Variants in CREB5 observed in about 807,000 individuals in gnomAD.
CREB5 encodes the protein cyclic AMP-responsive element-binding protein 5.
A neutral mutation model predicts 57.1 loss-of-function variants in CREB5; 19 were observed. That is an observed-to-expected ratio of 0.33 (90% CI 0.23 to 0.49). CREB5 has a LOEUF of 0.49. Ranked by LOEUF, CREB5 falls within the 20% of genes least tolerant of loss-of-function variation. The probability of loss-of-function intolerance (pLI) is 0.99; values close to 1 mark genes in which losing one functional copy is unlikely to be tolerated. For synonymous variants in CREB5, 238 were observed against 238.3 expected (o/e 1.00, Z 0.01); for missense variants, 579 against 671.6 (o/e 0.86, Z 1.52).
At chr7:28,818,012 G>A in intron 9 of CREB5, 59 bp from the exon 10 acceptor site, 1 of 1,312,868 alleles carries the variant, frequency 7.6e-7, no homozygotes, top group Non-Finnish European at 1.1e-6. Flanking sequence ...AAGTGCACAG[G>A]GCTGTGGGTT....
chr7:28,816,974 A>G (rs1464375409), intron 9 of CREB5, among the ~76,000 whole-genome samples: 2 of 152,164 alleles, frequency 1.3e-5, no homozygotes, highest in African/African-American at 2.4e-5. Flanking sequence ...CGGAGCTACC[A>G]TCTATTTTAT....
chr7:28,407,314 G>A (rs778136853), intron 1 of CREB5, among the ~76,000 whole-genome samples: 2 of 152,170 alleles, frequency 1.3e-5, no homozygotes, highest in Non-Finnish European at 1.5e-5. Flanking sequence ...GCCTCCCAAA[G>A]TGCTGGGATT....
intron 5 of CREB5, among the ~76,000 whole-genome samples, chr7:28,611,205 C>G (rs546977871): frequency 7.9e-5 from 12 of 152,040 alleles, no homozygotes; most frequent in Non-Finnish European, 1.5e-4. Context: ...CTGATATGTC[C>G]TCAATCTTCT....
At chr7:28,536,533 C>T (rs751362622) in intron 4 of CREB5, among the ~76,000 whole-genome samples, 20 of 152,190 alleles carry the variant, frequency 1.3e-4, no homozygotes, top group South Asian at 2.1e-4. Flanking sequence ...GGCAGCTTCA[C>T]GAGGCAGCAC....
chr7:28,743,838 CTTTTTTTTTT>C, intron 7 of CREB5, among the ~76,000 whole-genome samples: 1 of 76,018 alleles, frequency 1.3e-5, no homozygotes, highest in South Asian at 5.5e-4. Context: ...ATCTCCTTTT[CTTTTTTTTTT>C]TTTTTTTTTT....
chr7:28,551,963 T>A (rs1794676052), intron 4 of CREB5, among the ~76,000 whole-genome samples: 1 of 148,176 alleles, frequency 6.7e-6, no homozygotes, highest in African/African-American at 2.5e-5. Flanking sequence ...CTTTCTCTTT[T>A]TTATTCTCTC....
At chr7:28,529,131 C>A (rs1191508401) in intron 4 of CREB5, among the ~76,000 whole-genome samples, 1 of 152,236 alleles carries the variant, frequency 6.6e-6, no homozygotes, top group Non-Finnish European at 1.5e-5. Flanking sequence ...TGGAGCACAA[C>A]TGGTGTCTGT....
intron 1 of CREB5, among the ~76,000 whole-genome samples, chr7:28,385,009 A>T (rs1469848446): frequency 6.6e-6 from 1 of 152,212 alleles, no homozygotes; most frequent in Non-Finnish European, 1.5e-5. Flanking sequence ...TTTAAAAAAA[A>T]ATCCAAGTAT....
intron 5 of CREB5, among the ~76,000 whole-genome samples, chr7:28,673,389 G>A (rs914843137): frequency 3.9e-5 from 6 of 152,144 alleles, no homozygotes; most frequent in African/African-American, 9.7e-5. Flanking sequence ...CTTAGAACCC[G>A]CTGGGCAGCC....
At chr7:28,336,238 C>A (rs1439807425) in intron 1 of CREB5, among the ~76,000 whole-genome samples, 1 of 152,010 alleles carries the variant, frequency 6.6e-6, no homozygotes, top group African/African-American at 2.4e-5. Flanking sequence ...TTCTCTCCTC[C>A]TCTATTTTTC....
At chr7:28,641,342 A>T (rs1411061308) in intron 5 of CREB5, among the ~76,000 whole-genome samples, 2 of 152,104 alleles carry the variant, frequency 1.3e-5, no homozygotes, top group Non-Finnish European at 2.9e-5. Context: ...TGGGGCTAAA[A>T]TTTCAAAGGG....
At chr7:28,478,264 G>T (rs1325064806) in intron 1 of CREB5, among the ~76,000 whole-genome samples, 1 of 151,996 alleles carries the variant, frequency 6.6e-6, no homozygotes, top group African/African-American at 2.4e-5. Flanking sequence ...TCCTCCTCAT[G>T]GTACAATACG....
chr7:28,629,497 C>A (rs915378931), intron 5 of CREB5, among the ~76,000 whole-genome samples: 1 of 152,180 alleles, frequency 6.6e-6, no homozygotes, highest in African/African-American at 2.4e-5. Flanking sequence ...GTTGAGCAGG[C>A]AGGCTGGCAA....
At chr7:28,759,016 G>A (rs972720669) in intron 7 of CREB5, among the ~76,000 whole-genome samples, 1 of 151,358 alleles carries the variant, frequency 6.6e-6, no homozygotes, top group African/African-American at 2.4e-5. Flanking sequence ...TTGTATGGGG[G>A]TGATTAACTC....
chr7:28,769,236 T>A (rs1008542318), intron 7 of CREB5, among the ~76,000 whole-genome samples: 3 of 152,238 alleles, frequency 2.0e-5, no homozygotes, highest in Non-Finnish European at 4.4e-5. Context: ...CTTATGAACC[T>A]CTAGTGCTTG....
intron 1 of CREB5, among the ~76,000 whole-genome samples, chr7:28,392,301 T>G (rs1007297482): frequency 7.9e-5 from 12 of 152,112 alleles, no homozygotes; most frequent in African/African-American, 2.7e-4. Context: ...AAAGAAAAAT[T>G]TCTTTAAAAA....
intron 1 of CREB5, among the ~76,000 whole-genome samples, chr7:28,325,450 A>C (rs1352135926): frequency 8.2e-6 from 1 of 121,384 alleles, no homozygotes; most frequent in Non-Finnish European, 1.8e-5. Context: ...GCAAGACTCC[A>C]TCTCAAAAAA....
chr7:28,352,599 C>T (rs530596160), intron 1 of CREB5, among the ~76,000 whole-genome samples: 1 of 152,236 alleles, frequency 6.6e-6, no homozygotes, highest in East Asian at 1.9e-4. Flanking sequence ...GGGCTGGCTC[C>T]CTTCAAAGTC....
chr7:28,503,623 T>G (rs1461095759), intron 3 of CREB5, among the ~76,000 whole-genome samples: 1 of 152,136 alleles, frequency 6.6e-6, no homozygotes, highest in East Asian at 1.9e-4. Context: ...GATGAGGTCA[T>G]GAGATGGTCC....
Sources: gnomAD v4.1 joint callset for allele counts (sites outside exome capture counted in the v4.1 genomes callset) on GRCh38, gnomAD v4.1.1 for gene constraint, MANE v1.5 for transcripts, NCBI Gene and HGNC (gene_info 2026-07-23, HGNC 2026-07-21) for gene names.